Variants in SPAG17 observed in about 807,000 individuals in gnomAD.
SPAG17 encodes the protein sperm-associated antigen 17.
Under a neutral mutation model 273.6 loss-of-function variants are expected in SPAG17, and 169 were observed. That is an observed-to-expected ratio of 0.62 (90% CI 0.55 to 0.70). SPAG17 has a LOEUF of 0.70. Among genes scored for constraint, SPAG17 ranks in the 30% least tolerant of loss-of-function variants. The pLI is 0.00. For synonymous variants in SPAG17, 825 were observed against 873.2 expected (o/e 0.94, Z 0.97); for missense variants, 2,557 against 2,627.8 (o/e 0.97, Z 0.59).
intron 7 of SPAG17, among the ~76,000 whole-genome samples, chr1:118,094,805 A>G (rs148773192): frequency 1.2e-3 from 184 of 152,306 alleles, no homozygotes; most frequent in African/African-American, 4.2e-3. Flanking sequence ...CTTCACTCAC[A>G]AACCATATCT....
At chr1:118,006,196 C>T (rs1658862672) in intron 31 of SPAG17, among the ~76,000 whole-genome samples, 3 of 152,198 alleles carry the variant, frequency 2.0e-5, no homozygotes, top group African/African-American at 7.2e-5. Flanking sequence ...AAGCCATTAT[C>T]ACTAATTCCG....
chr1:118,049,311 C>T (rs780671470), intron 20 of SPAG17, among the ~76,000 whole-genome samples: 2 of 152,108 alleles, frequency 1.3e-5, no homozygotes, highest in Non-Finnish European at 2.9e-5. Context: ...ATGTTAGATG[C>T]AAAACTCCTC....
At chr1:118,152,349 A>G (rs1659435714) in intron 1 of SPAG17, among the ~76,000 whole-genome samples, 1 of 152,226 alleles carries the variant, frequency 6.6e-6, no homozygotes, top group South Asian at 2.1e-4. Context: ...GAATACCAAA[A>G]CAATGTCTAA....
At chr1:117,990,600 C>G (rs984291230) in intron 38 of SPAG17, among the ~76,000 whole-genome samples, 1 of 152,060 alleles carries the variant, frequency 6.6e-6, no homozygotes, top group Non-Finnish European at 1.5e-5. Flanking sequence ...AGTCAAATGT[C>G]AACATTTTTC....
At chr1:118,073,681 C>T (rs139152817) in intron 17 of SPAG17, among the ~76,000 whole-genome samples, 173 bp downstream of exon 17, 203 of 151,988 alleles carry the variant, frequency 1.3e-3, no homozygotes, top group African/African-American at 4.7e-3. Flanking sequence ...TTTAGAGAGT[C>T]GCTGGGAATG....
At chr1:118,045,250 G>A (rs1363973835) in intron 20 of SPAG17, among the ~76,000 whole-genome samples, 1 of 152,200 alleles carries the variant, frequency 6.6e-6, no homozygotes, top group Non-Finnish European at 1.5e-5. Flanking sequence ...AGGATAGGAT[G>A]TAGGCTGTCC....
At chr1:118,108,018 G>T (rs186137787) in intron 4 of SPAG17, among the ~76,000 whole-genome samples, 13 of 152,310 alleles carry the variant, frequency 8.5e-5, no homozygotes, top group Middle Eastern at 3.4e-3. Context: ...CAATAAAACT[G>T]AATGGAAGTA....
At chr1:118,014,527 A>T (rs1659774753) in intron 29 of SPAG17, among the ~76,000 whole-genome samples, 1 of 152,254 alleles carries the variant, frequency 6.6e-6, no homozygotes, top group South Asian at 2.1e-4. Flanking sequence ...CCTTTCTGAG[A>T]TCATATGTAC....
intron 20 of SPAG17, among the ~76,000 whole-genome samples, chr1:118,050,833 G>T (rs1050197255): frequency 1.3e-5 from 2 of 151,810 alleles, no homozygotes; most frequent in African/African-American, 4.9e-5. Context: ...ATTGTTCTGG[G>T]CAGTGATGTT....
intron 24 of SPAG17, among the ~76,000 whole-genome samples, chr1:118,034,736 T>C (rs1179864708): frequency 6.6e-6 from 1 of 152,206 alleles, no homozygotes; most frequent in Non-Finnish European, 1.5e-5. Context: ...GAAGGTATAC[T>C]TCTCTATGGG....
chr1:118,105,459 G>A (rs1656337031), intron 4 of SPAG17, among the ~76,000 whole-genome samples: 1 of 152,102 alleles, frequency 6.6e-6, no homozygotes, highest in Non-Finnish European at 1.5e-5. Context: ...AGTTCATCCT[G>A]GGAGGGGTTT....
At chr1:118,014,631 G>T (rs1053482795) in intron 29 of SPAG17, among the ~76,000 whole-genome samples, 1 of 152,180 alleles carries the variant, frequency 6.6e-6, no homozygotes, top group Non-Finnish European at 1.5e-5. Flanking sequence ...TATTTGGTTA[G>T]ATCATGTAAT....
intron 10 of SPAG17, among the ~76,000 whole-genome samples, chr1:118,088,967 G>A (rs1286994472): frequency 6.6e-6 from 1 of 152,182 alleles, no homozygotes; most frequent in Non-Finnish European, 1.5e-5. Context: ...CTATGGGTTA[G>A]GTGTGGTTAT....
At chr1:117,988,059 A>G (rs952452517) in intron 39 of SPAG17, 46 bp downstream of exon 39, 3 of 1,513,324 alleles carry the variant, frequency 2.0e-6, no homozygotes, top group Non-Finnish European at 2.7e-6. Context: ...TTCCTCAATC[A>G]CTGCATACCT....
At position 118,119,129 on chromosome 1, in the gene SPAG17, A is replaced by C. The variant is rs116029577; in HGVS notation, c.316-3688T>G. On this transcript the variant is annotated intron_variant, in intron 3 of 48. Coordinates refer to ENST00000336338, the MANE Select transcript of SPAG17 (RefSeq NM_206996.4). The stretch of plus-strand genomic sequence containing the variant: ...CATGCATGTATGTGTGTGTGCATAC[A>C]TATATACATATGCACATTTATACAT... Among the ~76,000 whole-genome samples the C allele has an allele frequency of 4.2e-3, 641 of 152,314 alleles. 4 individuals are homozygous for C. Among genetic ancestry groups the C allele is most frequent in the African/African-American group, 0.015 (609 of 41,560 alleles).
At chr1:118,108,951 C>T (rs984787520) in intron 4 of SPAG17, among the ~76,000 whole-genome samples, 2 of 152,144 alleles carry the variant, frequency 1.3e-5, no homozygotes, top group African/African-American at 4.8e-5. Flanking sequence ...AAAAAATTCT[C>T]CTTCTCTATA....
At chr1:117,990,795 G>A in intron 38 of SPAG17, 66 bp downstream of exon 38, 1 of 1,018,540 alleles carries the variant, frequency 9.8e-7, no homozygotes, top group Non-Finnish European at 1.5e-6. Flanking sequence ...TGACCGATAA[G>A]TGTATTTAAG....
At chr1:118,085,692 A>G (rs1654941875) in intron 13 of SPAG17, among the ~76,000 whole-genome samples, 1 of 152,170 alleles carries the variant, frequency 6.6e-6, no homozygotes, top group Non-Finnish European at 1.5e-5. Flanking sequence ...ACACAACGGG[A>G]AAAAAACCCC....
intron 18 of SPAG17, among the ~76,000 whole-genome samples, chr1:118,061,001 C>T (rs1247589364): frequency 6.6e-6 from 1 of 152,062 alleles, no homozygotes; most frequent in African/African-American, 2.4e-5. Flanking sequence ...GATATCATTT[C>T]ACTTATACTG....
Sources: gnomAD v4.1 joint callset for allele counts (sites outside exome capture counted in the v4.1 genomes callset) on GRCh38, gnomAD v4.1.1 for gene constraint, MANE v1.5 for transcripts, NCBI Gene and HGNC (gene_info 2026-07-23, HGNC 2026-07-21) for gene names.